The following CSNK2A2IP variants were observed in gnomAD, a reference collection of about 807,000 sequenced individuals.
CSNK2A2IP encodes the protein casein kinase II subunit alpha'-interacting protein.
the CSNK2A2IP span, chr3:88,465,892 G>A: frequency 2.4e-6 from 3 of 1,231,612 alleles, no homozygotes; most frequent in Non-Finnish European, 3.0e-6. Flanking sequence ...TCATCAAAGA[G>A]TCTCAAGTTC....
chr3:88,350,902 C>A, the CSNK2A2IP span, among the ~76,000 whole-genome samples: 1 of 152,100 alleles, frequency 6.6e-6, no homozygotes, highest in Non-Finnish European at 1.5e-5. Flanking sequence ...CTCTCACCCC[C>A]AGTAGACATG....
At chr3:88,430,082 C>A in the CSNK2A2IP span, among the ~76,000 whole-genome samples, 1 of 152,014 alleles carries the variant, frequency 6.6e-6, no homozygotes, top group Non-Finnish European at 1.5e-5. Flanking sequence ...TTTTTTAAGA[C>A]CTTTTTAAAT....
the CSNK2A2IP span, among the ~76,000 whole-genome samples, chr3:88,361,164 G>A: frequency 6.6e-6 from 1 of 152,142 alleles, no homozygotes. Flanking sequence ...CAGTGATAGA[G>A]TATTCTGTAT....
the CSNK2A2IP span, among the ~76,000 whole-genome samples, chr3:88,403,117 T>G: frequency 1.3e-5 from 2 of 152,044 alleles, no homozygotes; most frequent in Admixed American, 6.6e-5. Flanking sequence ...ATTTTTCACT[T>G]CAGACAATTT....
chr3:88,382,839 G>C, the CSNK2A2IP span: 2 of 152,174 alleles, frequency 1.3e-5, no homozygotes, highest in Non-Finnish European at 2.9e-5. Context: ...TTTGATTGCT[G>C]ACTTGGTTCA....
chr3:88,373,008 GAA>G, the CSNK2A2IP span, among the ~76,000 whole-genome samples: 1 of 151,350 alleles, frequency 6.6e-6, no homozygotes, highest in African/African-American at 2.4e-5. Context: ...AGAACTACAA[GAA>G]ATAATAGACA....
chr3:88,457,580 C>T, the CSNK2A2IP span, among the ~76,000 whole-genome samples: 1 of 151,928 alleles, frequency 6.6e-6, no homozygotes, highest in East Asian at 1.9e-4. Flanking sequence ...TCCTGTGATC[C>T]CAGCTACTCA....
At chr3:88,340,219 G>T in the CSNK2A2IP span, among the ~76,000 whole-genome samples, 1 of 151,780 alleles carries the variant, frequency 6.6e-6, no homozygotes, top group African/African-American at 2.4e-5. Context: ...GTCTTACAGG[G>T]TCTTAATTGC....
the CSNK2A2IP span, among the ~76,000 whole-genome samples, chr3:88,357,429 G>A: frequency 6.6e-6 from 1 of 151,894 alleles, no homozygotes; most frequent in South Asian, 2.1e-4. Context: ...GTGTTGCTGG[G>A]TTCTATTTTG....
the CSNK2A2IP span, among the ~76,000 whole-genome samples, chr3:88,453,877 C>G: frequency 6.6e-6 from 1 of 151,932 alleles, no homozygotes; most frequent in African/African-American, 2.4e-5. Context: ...CAGTTTTTGA[C>G]TATTCAAAAA....
At chr3:88,379,994 G>T in the CSNK2A2IP span, among the ~76,000 whole-genome samples, 11 of 151,982 alleles carry the variant, frequency 7.2e-5, no homozygotes, top group African/African-American at 2.4e-4. Flanking sequence ...TATTATATTT[G>T]TAAGATTCCA....
the CSNK2A2IP span, among the ~76,000 whole-genome samples, chr3:88,366,412 A>G: frequency 6.6e-6 from 1 of 152,158 alleles, no homozygotes; most frequent in Non-Finnish European, 1.5e-5. Context: ...CAACCTATAA[A>G]GCAAATTATG....
At chr3:88,447,855 TAC>T in the CSNK2A2IP span, among the ~76,000 whole-genome samples, 5 of 152,134 alleles carry the variant, frequency 3.3e-5, no homozygotes, top group African/African-American at 1.2e-4. Context: ...AACAAAAATA[TAC>T]AGTTTTATTT....
the CSNK2A2IP span, among the ~76,000 whole-genome samples, chr3:88,439,690 C>G: frequency 7.0e-6 from 1 of 143,770 alleles, no homozygotes; most frequent in African/African-American, 2.6e-5. Flanking sequence ...TGCAGTGAGC[C>G]GAGATCATGC....
the CSNK2A2IP span, among the ~76,000 whole-genome samples, chr3:88,368,520 A>G: frequency 6.6e-6 from 1 of 151,994 alleles, no homozygotes; most frequent in African/African-American, 2.4e-5. Flanking sequence ...AATTGAAAAT[A>G]TCTTAAATCA....
At chr3:88,361,359 T>A in the CSNK2A2IP span, among the ~76,000 whole-genome samples, 1 of 152,212 alleles carries the variant, frequency 6.6e-6, no homozygotes, top group Non-Finnish European at 1.5e-5. Flanking sequence ...TCCTTCCTTT[T>A]TGAAAAATAA....
the CSNK2A2IP span, chr3:88,399,630 C>G: frequency 6.6e-6 from 1 of 152,174 alleles, no homozygotes; most frequent in Non-Finnish European, 1.5e-5. Flanking sequence ...ATGGCAGGCA[C>G]ACAGGCCTGA....
the CSNK2A2IP span, among the ~76,000 whole-genome samples, chr3:88,357,682 T>G: frequency 6.6e-6 from 1 of 152,202 alleles, no homozygotes; most frequent in Non-Finnish European, 1.5e-5. Flanking sequence ...GTATGGACAA[T>G]TTAACAATAT....
At chr3:88,362,786 GAATCTACCT>G in the CSNK2A2IP span, among the ~76,000 whole-genome samples, 1 of 152,176 alleles carries the variant, frequency 6.6e-6, no homozygotes, top group Non-Finnish European at 1.5e-5. Flanking sequence ...GGAGCTTCAG[GAATCTACCT>G]AGTGCTTTAT....
Sources: allele counts gnomAD v4.1 joint callset (sites outside exome capture counted in the v4.1 genomes callset), GRCh38; gene constraint gnomAD v4.1.1; transcripts MANE v1.5; gene names NCBI Gene and HGNC (gene_info 2026-07-23, HGNC 2026-07-21).